Variants in SLC38A8 observed in about 807,000 individuals in gnomAD.
The protein encoded by SLC38A8 is solute carrier family 38 member 8.
In SLC38A8, 65 loss-of-function variants were observed where a neutral mutation model predicts 46.0. The ratio of observed to expected loss-of-function variants is 1.41; its 90% CI spans 1.16 to 1.74. The LOEUF is 1.74. Among genes scored for constraint, SLC38A8 ranks in the 40% most tolerant of loss-of-function variants. The pLI, the probability that SLC38A8 is intolerant of heterozygous loss-of-function variation, is 0.00. For synonymous variants in SLC38A8, 447 were observed against 243.7 expected (o/e 1.83, Z -7.77); for missense variants, 998 against 567.9 (o/e 1.76, Z -7.70).
intron 5 of SLC38A8, among the ~76,000 whole-genome samples, chr16:84,030,336 T>C (rs1379623487): frequency 6.6e-6 from 1 of 151,994 alleles, no homozygotes; most frequent in Non-Finnish European, 1.5e-5. Context: ...ACTCATCACC[T>C]CCTGTTTTTA....
intron 2 of SLC38A8, among the ~76,000 whole-genome samples, chr16:84,037,140 G>A (rs985391535): frequency 4.6e-5 from 7 of 152,220 alleles, no homozygotes; most frequent in Non-Finnish European, 8.8e-5. Flanking sequence ...GCTCTAGGCT[G>A]TGAACCTGGG....
At chr16:84,019,651 A>G (rs2085072678) in intron 7 of SLC38A8, among the ~76,000 whole-genome samples, 1 of 152,138 alleles carries the variant, frequency 6.6e-6, no homozygotes, top group East Asian at 1.9e-4. Context: ...TTCCAACCCC[A>G]TGACCCCAAA....
At chr16:84,039,954 T>C (rs74972616) in intron 2 of SLC38A8, 3,664 of 152,186 alleles carry the variant, frequency 0.024, 129 homozygotes, top group East Asian at 0.19. Flanking sequence ...ATGTCTCCCA[T>C]CCAAGTACTA....
chr16:84,024,635 G>T (rs141863705), intron 6 of SLC38A8, among the ~76,000 whole-genome samples: 1 of 152,002 alleles, frequency 6.6e-6, no homozygotes, highest in Non-Finnish European at 1.5e-5. Context: ...ATAAAAATTA[G>T]TCAGGTGTGG....
At chr16:84,017,760 T>C (rs993419123) in intron 7 of SLC38A8, among the ~76,000 whole-genome samples, 3 of 152,168 alleles carry the variant, frequency 2.0e-5, no homozygotes, top group Non-Finnish European at 1.5e-5. Flanking sequence ...CCATTCCCTT[T>C]GCGCCAACAG....
intron 6 of SLC38A8, among the ~76,000 whole-genome samples, chr16:84,029,001 C>T (rs1050144503): frequency 6.6e-6 from 1 of 152,282 alleles, no homozygotes; most frequent in African/African-American, 2.4e-5. Context: ...CCTTTCCCCT[C>T]TCCAATCAGC....
intron 10 of SLC38A8, 34 bp from the exon 11 acceptor site, chr16:84,009,911 C>A (rs765232728): frequency 8.8e-6 from 14 of 1,598,032 alleles, no homozygotes; most frequent in Non-Finnish European, 1.2e-5. Flanking sequence ...CAGAGCTTTT[C>A]TGGATTTTTG....
chr16:84,041,944 C>G (rs765391594), intron 2 of SLC38A8, 25 bp downstream of exon 2: 2 of 1,553,162 alleles, frequency 1.3e-6, no homozygotes, highest in South Asian at 2.4e-5. Context: ...TACCCGTCCC[C>G]AGGACTCACT....
chr16:84,036,565 G>C (rs558246823), intron 3 of SLC38A8, 137 bp downstream of exon 3: 5 of 971,278 alleles, frequency 5.1e-6, no homozygotes, highest in African/African-American at 4.9e-5. Flanking sequence ...ACCATGTTAG[G>C]AACAAGAGTG....
In SLC38A8 at chr16:84,021,066, C is replaced by A. The variant is rs202039645; in HGVS notation, c.805+1709G>T. Among the ~76,000 whole-genome samples the A allele has an allele frequency of 1.8e-4, 27 of 151,940 alleles. No homozygotes were observed. The East Asian group carries it at 3.1e-3, about 17-fold the overall frequency. On this transcript the variant is annotated intron_variant, in intron 7 of 10. Transcript: ENST00000299709. ...AGATACCCTAGTTCATCCTTTTTTG[C>A]CGGCAGGGGAGGGATGACAGAGTCT...
intron 9 of SLC38A8, among the ~76,000 whole-genome samples, chr16:84,013,334 G>C (rs1199302754): frequency 1.3e-5 from 2 of 151,678 alleles, no homozygotes; most frequent in Non-Finnish European, 2.9e-5. Context: ...CCACAGCAGA[G>C]TCTATGAGGA....
intron 5 of SLC38A8, among the ~76,000 whole-genome samples, chr16:84,031,536 C>G (rs1424879822): frequency 6.6e-6 from 1 of 151,460 alleles, no homozygotes; most frequent in Non-Finnish European, 1.5e-5. Context: ...TTCCCCTGCC[C>G]CGGTACATGC....
chr16:84,022,875 G>T lies in SLC38A8; in HGVS notation c.705C>A (p.Ala235=). 6.2e-7 allele frequency: 1 copy of T among 1,605,180 alleles called. No individual in the cohort carries two copies. The highest frequency in any genetic ancestry group is 1.1e-5 in the South Asian group (1 of 89,666). ...TGCGCATGCTGCAGTAGATGGAGAC[G>T]GCAGCTTCGTGACACTGTAAGACAG... ...ICFGFQCHEA[A]VSIYCSMRKR... The change falls in exon 7 of 11, where the codon GCC becomes GCA. Residue 235 remains alanine (A), a synonymous_variant. Coordinates refer to ENST00000299709, the MANE Select transcript of SLC38A8 (RefSeq NM_001080442.3).
rs113981820 is a variant in SLC38A8, at chr16:84,035,616, AT to A, written c.388+1085del. On this transcript the variant is annotated intron_variant, in intron 3 of 10. Coordinates refer to ENST00000299709, the MANE Select transcript of SLC38A8 (RefSeq NM_001080442.3). Reference sequence around the variant, plus strand: ...ACATATAAACACATTTAACAAAAAAATAATCCAAGTCATAGTTAGATTCTAA... The same window carrying A: ...ACATATAAACACATTTAACAAAAAAAAATCCAAGTCATAGTTAGATTCTAA... 6.5e-4 allele frequency among the ~76,000 whole-genome samples: 99 copies of A among 152,246 alleles called. 1 individual carries two copies. The highest frequency in any genetic ancestry group is 3.4e-3 in the Middle Eastern group (1 of 294).
At position 84,033,749 on chromosome 16, in the gene SLC38A8, G is replaced by T. The variant is rs144494009; in HGVS notation, c.389-280C>A. On this transcript the variant is annotated intron_variant, in intron 3 of 10. Transcript: ENST00000299709. ...GAGGCGATGACCAGACAAGCCATCT[G>T]CCCTCGTGCCCCTTACATTCTGGTG... 5.9e-5 allele frequency among the ~76,000 whole-genome samples: 9 copies of T among 152,310 alleles called. No homozygotes were observed. The East Asian group carries it at 1.7e-3, about 29-fold the overall frequency.
chr16:84,043,178 C>T (rs1435574248), upstream of SLC38A8, among the ~76,000 whole-genome samples: 3 of 152,150 alleles, frequency 2.0e-5, no homozygotes, highest in Non-Finnish European at 4.4e-5. Flanking sequence ...TCACCTGAGA[C>T]GGGGCTTGTT....
chr16:84,027,483 C>T (rs748806613), intron 6 of SLC38A8, among the ~76,000 whole-genome samples: 10 of 152,204 alleles, frequency 6.6e-5, no homozygotes, highest in Admixed American at 2.0e-4. Context: ...AGGCCTGGGG[C>T]GGGGGTGCCC....
At chr16:84,041,373 C>T (rs9928085) in intron 2 of SLC38A8, 45,091 of 152,536 alleles carry the variant, frequency 0.3, 7,495 homozygotes, top group African/African-American at 0.45. Flanking sequence ...GGCTGGAGCG[C>T]ACAGTCTCAG....
At chr16:84,025,932 C>T (rs890955593) in intron 6 of SLC38A8, among the ~76,000 whole-genome samples, 1 of 152,232 alleles carries the variant, frequency 6.6e-6, no homozygotes, top group South Asian at 2.1e-4. Context: ...CTGCCTCCTG[C>T]ACCCCCGCAG....
Sources: gnomAD v4.1 joint callset for allele counts (sites outside exome capture counted in the v4.1 genomes callset) on GRCh38, gnomAD v4.1.1 for gene constraint, MANE v1.5 for transcripts, NCBI Gene and HGNC (gene_info 2026-07-23, HGNC 2026-07-21) for gene names.